Variants in RIT2 observed in about 807,000 individuals in gnomAD.
RIT2 encodes Ras like without CAAX 2.
In RIT2, 24 loss-of-function variants were observed where a neutral mutation model predicts 23.7. That is an observed-to-expected ratio of 1.01 (90% CI 0.73 to 1.43). The LOEUF is 1.43. Ranked by LOEUF, RIT2 falls within the 40% of genes most tolerant of loss-of-function variation. The pLI, the probability that RIT2 is intolerant of heterozygous loss-of-function variation, is 0.00. For synonymous variants in RIT2, 107 were observed against 91.1 expected (o/e 1.17, Z -0.99); for missense variants, 236 against 266.9 (o/e 0.88, Z 0.81).
At chr18:42,909,293 T>C (rs2144116838) in intron 4 of RIT2, among the ~76,000 whole-genome samples, 1 of 152,006 alleles carries the variant, frequency 6.6e-6, no homozygotes, top group East Asian at 1.9e-4. Context: ...GGCATAAGAG[T>C]GACGTAATGG....
chr18:42,936,065 G>A (rs1909450917), intron 3 of RIT2, among the ~76,000 whole-genome samples: 1 of 151,654 alleles, frequency 6.6e-6, no homozygotes, highest in Non-Finnish European at 1.5e-5. Flanking sequence ...GGGGCTTAGA[G>A]AGATAGGGAT....
chr18:42,777,661 C>CT (rs1913706098), intron 4 of RIT2, among the ~76,000 whole-genome samples: 1 of 152,164 alleles, frequency 6.6e-6, no homozygotes. Context: ...TCACCCCTCA[C>CT]TTCAGATTTG....
chr18:42,929,034 G>GAGAT (rs1555647353), intron 3 of RIT2, among the ~76,000 whole-genome samples: 9 of 96,956 alleles, frequency 9.3e-5, no homozygotes, highest in South Asian at 3.5e-4. Context: ...AAAATATGGA[G>GAGAT]ATATATATAT....
At chr18:43,030,821 C>T (rs367610936) in intron 2 of RIT2, among the ~76,000 whole-genome samples, 4 of 151,934 alleles carry the variant, frequency 2.6e-5, no homozygotes, top group Admixed American at 6.6e-5. Context: ...TGCTTTACCA[C>T]GAGAAGGAAT....
At chr18:42,944,048 A>G (rs1909666994) in intron 3 of RIT2, among the ~76,000 whole-genome samples, 1 of 152,120 alleles carries the variant, frequency 6.6e-6, no homozygotes, top group African/African-American at 2.4e-5. Flanking sequence ...CAACATTCAG[A>G]ACAAGTCTCT....
intron 4 of RIT2, among the ~76,000 whole-genome samples, chr18:42,826,200 T>C (rs2144000385): frequency 6.6e-6 from 1 of 152,188 alleles, no homozygotes; most frequent in East Asian, 1.9e-4. Context: ...TGGGTTTATA[T>C]ATATTTAATC....
chr18:42,983,036 G>T (rs74624268), intron 2 of RIT2, among the ~76,000 whole-genome samples: 2 of 151,856 alleles, frequency 1.3e-5, no homozygotes, highest in Non-Finnish European at 2.9e-5. Flanking sequence ...ACAATATAAT[G>T]AATAGAAAGG....
chr18:42,861,327 C>G (rs1179719795), intron 4 of RIT2, among the ~76,000 whole-genome samples: 2 of 152,174 alleles, frequency 1.3e-5, no homozygotes, highest in Non-Finnish European at 2.9e-5. Context: ...GGGTGACATT[C>G]TCTGAAATAT....
At chr18:42,868,534 T>A (rs887006339) in intron 4 of RIT2, among the ~76,000 whole-genome samples, 4 of 152,218 alleles carry the variant, frequency 2.6e-5, no homozygotes, top group Non-Finnish European at 5.9e-5. Flanking sequence ...ATTATTTCAT[T>A]ACAAAAAATT....
intron 4 of RIT2, among the ~76,000 whole-genome samples, chr18:42,749,166 T>TA (rs1912987077): frequency 1.3e-5 from 2 of 151,834 alleles, no homozygotes. Context: ...ATCTAGAAAT[T>TA]TAAAAAACTC....
chr18:42,948,263 C>T (rs991014286), intron 3 of RIT2, among the ~76,000 whole-genome samples: 2 of 151,972 alleles, frequency 1.3e-5, no homozygotes, highest in Non-Finnish European at 2.9e-5. Flanking sequence ...ACATGTTGTT[C>T]AAATGTTCAA....
chr18:42,901,265 G>T (rs1451289208), intron 4 of RIT2, among the ~76,000 whole-genome samples: 1 of 151,996 alleles, frequency 6.6e-6, no homozygotes, highest in Non-Finnish European at 1.5e-5. Context: ...ATGTACAATT[G>T]TTGCCTTGGA....
At chr18:42,826,040 T>A (rs183789003) in intron 4 of RIT2, among the ~76,000 whole-genome samples, 8 of 152,200 alleles carry the variant, frequency 5.3e-5, no homozygotes, top group African/African-American at 1.9e-4. Context: ...TATCTATATG[T>A]GGAGTACTTC....
At chr18:42,862,255 C>T (rs1356731239) in intron 4 of RIT2, among the ~76,000 whole-genome samples, 1 of 151,996 alleles carries the variant, frequency 6.6e-6, no homozygotes, top group Non-Finnish European at 1.5e-5. Context: ...AGTGGCACTT[C>T]TCCCTTCACT....
At chr18:42,775,004 G>A (rs1913634497) in intron 4 of RIT2, among the ~76,000 whole-genome samples, 1 of 152,146 alleles carries the variant, frequency 6.6e-6, no homozygotes, top group South Asian at 2.1e-4. Context: ...TAAGCAAGAG[G>A]AGTAGAAAAT....
chr18:42,967,251 T>A (rs886387019), intron 3 of RIT2, among the ~76,000 whole-genome samples: 1 of 152,130 alleles, frequency 6.6e-6, no homozygotes, highest in Non-Finnish European at 1.5e-5. Context: ...AACACTGTGA[T>A]TGGCTTCTAT....
chr18:43,054,324 T>C (rs1415795245), intron 1 of RIT2, among the ~76,000 whole-genome samples: 1 of 152,108 alleles, frequency 6.6e-6, no homozygotes, highest in Non-Finnish European at 1.5e-5. Flanking sequence ...TTTGAGGCAA[T>C]TTATAAATGT....
chr18:42,964,321 A>G (rs538541579), intron 3 of RIT2, among the ~76,000 whole-genome samples: 4 of 152,160 alleles, frequency 2.6e-5, no homozygotes, highest in Admixed American at 2.6e-4. Flanking sequence ...TCTTCCTCCC[A>G]CTTTTGGTTC....
intron 4 of RIT2, among the ~76,000 whole-genome samples, chr18:42,767,028 A>T (rs1424796595): frequency 6.6e-6 from 1 of 152,218 alleles, no homozygotes; most frequent in Non-Finnish European, 1.5e-5. Context: ...GCTGCAGGGC[A>T]GGTCCCTCAT....
Sources: gnomAD v4.1 joint callset for allele counts (sites outside exome capture counted in the v4.1 genomes callset) on GRCh38, gnomAD v4.1.1 for gene constraint, MANE v1.5 for transcripts, NCBI Gene and HGNC (gene_info 2026-07-23, HGNC 2026-07-21) for gene names.